CPVL: variants seen among roughly 807,000 people sequenced by gnomAD.
The protein encoded by CPVL is probable serine carboxypeptidase CPVL.
Under a neutral mutation model 63.7 loss-of-function variants are expected in CPVL, and 51 were observed. That is an observed-to-expected ratio of 0.80 (90% CI 0.64 to 1.01). The LOEUF (loss-of-function observed/expected upper bound fraction) is 1.01. CPVL is among the 50% of genes least tolerant of loss of function. CPVL has a pLI of 0.00. For synonymous variants in CPVL, 195 were observed against 206.0 expected, an observed-to-expected ratio of 0.95 and a Z score of 0.46; for missense variants, 530 against 573.1, an observed-to-expected ratio of 0.92 and a Z score of 0.77.
intron 2 of CPVL, among the ~76,000 whole-genome samples, chr7:29,115,719 GGAA>G (rs2128634500): frequency 6.6e-6 from 1 of 151,712 alleles, no homozygotes; most frequent in East Asian, 1.9e-4. Flanking sequence ...GAGGTAAATG[GGAA>G]GAAGAGGATT....
intron 1 of CPVL, among the ~76,000 whole-genome samples, chr7:29,133,090 G>A (rs1170065307): frequency 6.6e-6 from 1 of 151,314 alleles, no homozygotes; most frequent in Non-Finnish European, 1.5e-5. Context: ...ACTACGTATA[G>A]TATCCAAGGT....
At chr7:29,148,084 T>G (rs1025458807), upstream of CPVL, among the ~76,000 whole-genome samples, 87 of 152,056 alleles carry the variant, frequency 5.7e-4, no homozygotes, top group African/African-American at 2.0e-3. Context: ...AACACCAGAG[T>G]CAGCAATGTT....
chr7:29,180,149 G>C (rs1797878524), intron 5 of CPVL, among the ~76,000 whole-genome samples: 1 of 152,052 alleles, frequency 6.6e-6, no homozygotes, highest in African/African-American at 2.4e-5. Flanking sequence ...TTTTTTATTA[G>C]AAAGGAAAAT....
intron 12 of CPVL, among the ~76,000 whole-genome samples, chr7:28,998,794 C>T (rs563620251): frequency 7.2e-5 from 11 of 151,988 alleles, no homozygotes; most frequent in Middle Eastern, 3.4e-3. Flanking sequence ...AAAGGAGATC[C>T]CATCTCTAAA....
intron 12 of CPVL, chr7:29,012,531 T>C (rs1448206833): frequency 6.6e-6 from 1 of 152,156 alleles, no homozygotes; most frequent in East Asian, 1.9e-4. Context: ...GGGACTGAAG[T>C]CTACAATTTA....
At chr7:29,043,646 C>T (rs320088) in intron 11 of CPVL, among the ~76,000 whole-genome samples, 126,712 of 152,160 alleles carry the variant, frequency 0.83, 53,498 homozygotes, top group African/African-American at 0.95. Context: ...TTTTGTGCTG[C>T]TGCGTTGATC....
At chr7:29,171,886 G>C (rs146115836) in intron 5 of CPVL, among the ~76,000 whole-genome samples, 1 of 152,136 alleles carries the variant, frequency 6.6e-6, no homozygotes, top group Non-Finnish European at 1.5e-5. Flanking sequence ...ATGGACTTAC[G>C]AACTGATTTG....
At chr7:29,182,370 G>C (rs1798166825) in intron 4 of CPVL, among the ~76,000 whole-genome samples, 1 of 151,506 alleles carries the variant, frequency 6.6e-6, no homozygotes, top group Non-Finnish European at 1.5e-5. Context: ...GCAGTAAAAA[G>C]CAAAAGCTCC....
At chr7:29,046,287 C>T (rs161049) in intron 11 of CPVL, among the ~76,000 whole-genome samples, 125,956 of 152,054 alleles carry the variant, frequency 0.83, 52,840 homozygotes, top group African/African-American at 0.94. Flanking sequence ...GGTTTCACCA[C>T]ATTGGCCAGG....
chr7:29,163,378 C>T (rs1032320157), intron 5 of CPVL, among the ~76,000 whole-genome samples: 46 of 152,030 alleles, frequency 3.0e-4, no homozygotes, highest in African/African-American at 9.9e-4. Context: ...TATTTTCAAC[C>T]TTAAAAATGT....
intron 1 of CPVL, chr7:29,194,866 G>A: frequency 7.6e-7 from 1 of 1,308,778 alleles, no homozygotes; most frequent in Non-Finnish European, 9.8e-7. Context: ...CGGAGGCTGC[G>A]AGCGGCCGGG....
At chr7:29,017,796 T>C (rs1786561033) in intron 12 of CPVL, among the ~76,000 whole-genome samples, 1 of 152,264 alleles carries the variant, frequency 6.6e-6, no homozygotes, top group African/African-American at 2.4e-5. Flanking sequence ...ATTTTAACTG[T>C]ACCAGCATAC....
At chr7:29,070,818 G>A (rs971529581) in intron 9 of CPVL, among the ~76,000 whole-genome samples, 1 of 152,132 alleles carries the variant, frequency 6.6e-6, no homozygotes, top group African/African-American at 2.4e-5. Context: ...AAATAACTTT[G>A]TATTATCCTC....
chr7:29,052,920 C>T (rs1283739397), intron 11 of CPVL, among the ~76,000 whole-genome samples: 2 of 151,810 alleles, frequency 1.3e-5, no homozygotes, highest in African/African-American at 4.8e-5. Flanking sequence ...AACAAACAAA[C>T]AAACAAAAAA....
rs560940732 is a variant in CPVL at position 29,194,881 on chromosome 7, G to GGCA, written c.-448+193_-448+195dup. The GGCA allele has an allele frequency of 2.1e-3, 2,904 of 1,381,866 alleles. 10 individuals are homozygous for GGCA. The highest frequency in any genetic ancestry group is 6.4e-3 in the African/African-American group (424 of 65,950). 85.6% of individuals were successfully genotyped at this position (1,381,866 alleles called of 1,614,324 possible). A position where few individuals can be genotyped will look rare whatever the true frequency, so the allele number is the denominator to read the frequency against. On this transcript the variant is annotated intron_variant, in intron 1 of 16. Transcript: ENST00000409850. ...CGGAGGCTGCGAGCGGCCGGGCGAG[G>GGCA]GCAGCGGCGGCGGCGTCCGCACCGG... is the stretch of plus-strand genomic sequence containing the variant.
intron 1 of CPVL, 186 bp downstream of exon 1, chr7:29,146,243 T>C: frequency 4.6e-6 from 1 of 217,648 alleles, no homozygotes; most frequent in East Asian, 1.1e-4. Context: ...ACATCCCCAA[T>C]GCTCCAATTT....
chr7:29,037,484 C>T (rs1788645307), intron 11 of CPVL, among the ~76,000 whole-genome samples: 2 of 132,522 alleles, frequency 1.5e-5, no homozygotes, highest in South Asian at 5.1e-4. Flanking sequence ...ACCTGGGAGG[C>T]GGAGCTTGCA....
At chr7:29,126,047 T>C (rs1400684174) in intron 1 of CPVL, among the ~76,000 whole-genome samples, 1 of 152,182 alleles carries the variant, frequency 6.6e-6, no homozygotes, top group Non-Finnish European at 1.5e-5. Context: ...CGTTAACAAT[T>C]AAACTGTTAT....
intron 11 of CPVL, among the ~76,000 whole-genome samples, chr7:29,040,254 C>T (rs4141275): frequency 0.5 from 76,360 of 152,054 alleles, 21,237 homozygotes; most frequent in Non-Finnish European, 0.62. Flanking sequence ...CCACCAGTGC[C>T]TTCCCCCTAA....
Sources: allele counts gnomAD v4.1 joint callset (sites outside exome capture counted in the v4.1 genomes callset), GRCh38; gene constraint gnomAD v4.1.1; transcripts MANE v1.5; gene names NCBI Gene and HGNC (gene_info 2026-07-23, HGNC 2026-07-21).